The following XCR1 variants were observed in gnomAD, a reference collection of about 807,000 sequenced individuals.
XCR1 encodes the protein X-C motif chemokine receptor 1.
For synonymous variants in XCR1, 187 were observed against 188.5 expected (o/e 0.99, Z 0.06); for missense variants, 356 against 424.2 (o/e 0.84, Z 1.41).
upstream of XCR1, among the ~76,000 whole-genome samples, chr3:46,028,825 C>G (rs1708350025): frequency 1.3e-5 from 2 of 152,120 alleles, 1 homozygote; most frequent in South Asian, 4.1e-4. Flanking sequence ...CTCTTGGCCT[C>G]AAGTGATCCT....
At chr3:46,069,114 G>GA (rs1433511687) in intron 3 of XCR1, among the ~76,000 whole-genome samples, 1 of 151,816 alleles carries the variant, frequency 6.6e-6, no homozygotes, top group African/African-American at 2.4e-5. Flanking sequence ...GTATTGCTGA[G>GA]AAAACAATTT....
intron 5 of XCR1, among the ~76,000 whole-genome samples, chr3:46,036,273 T>C (rs1305690192): frequency 6.6e-6 from 1 of 152,112 alleles, no homozygotes; most frequent in African/African-American, 2.4e-5. Flanking sequence ...TTCCTTGGAG[T>C]CTGAGGAGGT....
intron 5 of XCR1, among the ~76,000 whole-genome samples, chr3:46,046,703 A>T (rs559808361): frequency 6.6e-6 from 1 of 152,340 alleles, no homozygotes; most frequent in East Asian, 1.9e-4. Flanking sequence ...AGACAAAAAA[A>T]CATTATTCCA....
chr3:46,074,486 G>C (rs557939264), intron 3 of XCR1, among the ~76,000 whole-genome samples: 39 of 152,102 alleles, frequency 2.6e-4, no homozygotes, highest in African/African-American at 9.2e-4. Context: ...GTGGTGGGGG[G>C]TGAAGGATGA....
At chr3:46,039,260 A>AT (rs1246069099) in intron 5 of XCR1, among the ~76,000 whole-genome samples, 3 of 139,406 alleles carry the variant, frequency 2.2e-5, no homozygotes, top group Non-Finnish European at 4.9e-5. Context: ...AGATATTCTC[A>AT]TACTGAATTT....
intron 5 of XCR1, among the ~76,000 whole-genome samples, chr3:46,050,811 G>A (rs1697727221): frequency 1.3e-5 from 2 of 152,180 alleles, no homozygotes; most frequent in South Asian, 4.1e-4. Context: ...CAAGAGGCCA[G>A]TCTCTTGAAA....
At position 46,021,724 on chromosome 3, in the gene XCR1, A is replaced by G. The variant is rs546403526; in HGVS notation, c.224T>C (p.Leu75Pro). 6.2e-7 allele frequency: 1 copy of G among 1,614,080 alleles called. No homozygotes were observed. The highest frequency in any genetic ancestry group is 1.3e-5 in the African/African-American group (1 of 74,984). Reference sequence around the variant, plus strand: ...CAAGCAGGCGAACACCAGGTCTGAGAGGCACAGGTTGAGGATGAAGATGTT... The same window carrying G: ...CAAGCAGGCGAACACCAGGTCTGAGGGGCACAGGTTGAGGATGAAGATGTT... ...LTNIFILNLC[L>P]SDLVFACLLP... Residue 75 changes from leucine to proline, a missense_variant, in exon 2 of 2, where the codon CTC (leucine) becomes CCC (proline). Transcript: ENST00000309285. This position sits in a 1 kb window ranked among gnomAD's most constrained non-coding sequence, Gnocchi z 4.7.
chr3:46,056,211 CT>C (rs1172256081), intron 4 of XCR1, among the ~76,000 whole-genome samples: 2 of 151,862 alleles, frequency 1.3e-5, no homozygotes, highest in African/African-American at 4.8e-5. Context: ...CGTTTTTTTT[CT>C]TTTTATTTTT....
intron 5 of XCR1, among the ~76,000 whole-genome samples, chr3:46,040,158 G>C (rs1442281175): frequency 6.6e-6 from 1 of 152,068 alleles, no homozygotes; most frequent in Admixed American, 6.6e-5. Context: ...AAGGGAGACA[G>C]GTTTATTGAC....
At chr3:46,075,271 C>G (rs1028045713) in intron 2 of XCR1, among the ~76,000 whole-genome samples, 1 of 105,650 alleles carries the variant, frequency 9.5e-6, no homozygotes, top group Non-Finnish European at 1.8e-5. Flanking sequence ...ATAGTCTTTT[C>G]AACAAATAGT....
At position 46,018,471 on chromosome 3, in the gene XCR1, A is replaced by G. The variant is rs1708082321; in HGVS notation, c.*2475T>C. 1 of 146,448 alleles carries G rather than the reference A, an allele frequency of 6.8e-6. No homozygotes were observed. The allele number at this position is 146,448 out of a possible 1,614,324, so 9.1% of individuals were successfully genotyped here. On this transcript the variant is annotated 3_prime_UTR_variant, in exon 2 of 2. Coordinates refer to ENST00000309285, the MANE Select transcript of XCR1 (RefSeq NM_001024644.2). ...CTGTGTTTGAAAGATTAGGCCAACT[A>G]GAAGCCCATAGGCTTAGCTCTGATA... is the stretch of plus-strand genomic sequence containing the variant.
At chr3:46,071,352 C>A (rs994424957) in intron 3 of XCR1, among the ~76,000 whole-genome samples, 1 of 151,888 alleles carries the variant, frequency 6.6e-6, no homozygotes, top group Non-Finnish European at 1.5e-5. Context: ...AAAAGGCCAG[C>A]ACCAGATGGA....
intron 1 of XCR1, chr3:46,023,165 G>A (rs1559479906): frequency 1.9e-5 from 8 of 417,038 alleles, no homozygotes; most frequent in Non-Finnish European, 3.0e-5. Context: ...CGTGGCGCGG[G>A]GCCTGAGGAG....
At chr3:46,026,094 G>A (rs12054287) in intron 1 of XCR1, among the ~76,000 whole-genome samples, 24,600 of 152,060 alleles carry the variant, frequency 0.16, 2,134 homozygotes, top group East Asian at 0.26. Flanking sequence ...GATAAATGTA[G>A]AAAAGCATTT....
Position 46,027,482 on chromosome 3 carries a change from T to G in XCR1, c.-97A>C, listed in dbSNP as rs1193206012. ...GGTGCTTCTCTGTTTCATATTTCAC[T>G]TAAAGAAACTGAAACACCTGTCCTG... On this transcript the variant is annotated 5_prime_UTR_variant, in exon 1 of 2. Coordinates refer to ENST00000309285, the MANE Select transcript of XCR1 (RefSeq NM_001024644.2). 6.6e-6 allele frequency: 1 copy of G among 152,342 alleles called. No homozygotes were observed. Among genetic ancestry groups the G allele is most frequent in the East Asian group, 1.9e-4 (1 of 5,194 alleles). 9.4% of individuals were successfully genotyped at this position (152,342 alleles called of 1,614,324 possible).
intron 4 of XCR1, among the ~76,000 whole-genome samples, chr3:46,054,169 C>T (rs62242846): frequency 0.19 from 28,558 of 152,114 alleles, 2,839 homozygotes; most frequent in Middle Eastern, 0.32. Context: ...TGGACAAGGG[C>T]CCTGAGCTTT....
At chr3:46,055,624 C>T (rs1226656846) in intron 4 of XCR1, among the ~76,000 whole-genome samples, 1 of 152,208 alleles carries the variant, frequency 6.6e-6, no homozygotes, top group African/African-American at 2.4e-5. Context: ...ATGATTAAAC[C>T]TCTTTCTCTG....
chr3:46,075,394 AATTGG>A (rs1698241930), intron 2 of XCR1, among the ~76,000 whole-genome samples: 1 of 151,948 alleles, frequency 6.6e-6, no homozygotes, highest in South Asian at 2.1e-4. Context: ...AATTAACTCA[AATTGG>A]ATCATTGATA....
intron 1 of XCR1, chr3:46,024,027 G>T: frequency 7.5e-7 from 1 of 1,328,324 alleles, no homozygotes; most frequent in South Asian, 1.2e-5. Context: ...CCTGGCAGAA[G>T]TTTGCAGCAA....
Sources: allele counts gnomAD v4.1 joint callset (sites outside exome capture counted in the v4.1 genomes callset), GRCh38; gene constraint gnomAD v4.1.1; non-coding constraint Gnocchi (gnomAD v3.1); transcripts MANE v1.5; gene names NCBI Gene and HGNC (gene_info 2026-07-23, HGNC 2026-07-21).